ZNF804B: variants seen among roughly 807,000 people sequenced by gnomAD.
The protein encoded by ZNF804B is zinc finger protein 804B.
In ZNF804B, 80 loss-of-function variants were observed where a neutral mutation model predicts 101.4. The ratio of observed to expected loss-of-function variants is 0.79; its 90% CI spans 0.66 to 0.95. The LOEUF (loss-of-function observed/expected upper bound fraction) is 0.95. Ranked by LOEUF, ZNF804B falls within the 40% of genes least tolerant of loss-of-function variation. The pLI is 0.00. For synonymous variants in ZNF804B, 622 were observed against 558.8 expected, an observed-to-expected ratio of 1.11 and a Z score of -1.59; for missense variants, 1,673 against 1,561.9, an observed-to-expected ratio of 1.07 and a Z score of -1.20.
At chr7:88,945,607 T>C (rs1416816803) in intron 1 of ZNF804B, among the ~76,000 whole-genome samples, 1 of 113,932 alleles carries the variant, frequency 8.8e-6, no homozygotes, top group Non-Finnish European at 1.7e-5. Context: ...TTTAAAGTAG[T>C]TTTTTCTAAT....
chr7:89,298,215 T>C (rs1273062729), intron 2 of ZNF804B, among the ~76,000 whole-genome samples: 1 of 62,372 alleles, frequency 1.6e-5, no homozygotes, highest in Non-Finnish European at 2.7e-5. Flanking sequence ...TGTGTGTGTG[T>C]GTATATATAT....
rs1300171023 is a variant in ZNF804B at position 89,218,260 on chromosome 7, A to C, written c.214A>C (p.Asn72His). The part of the protein sequence containing the change: ...KQYHKHQEFD[N>H]HINSYDHAHK... ...GTATCACAAACACCAGGAGTTTGAC[A>C]ATCATATTAATTCTTATGACCATGC... Residue 72 changes from asparagine (N) to histidine (H), a missense_variant, in exon 2 of 4, where the codon AAT (asparagine) becomes CAT (histidine). Physicochemically the swap from Asn to His is moderately conservative, Grantham distance 68. Coordinates refer to ENST00000333190, the MANE Select transcript of ZNF804B (RefSeq NM_181646.5). The C allele has an allele frequency of 1.9e-6, 3 of 1,613,654 alleles. No individual in the cohort carries two copies. Among genetic ancestry groups the C allele is most frequent in the Non-Finnish European group, 1.7e-6 (2 of 1,179,824 alleles).
At chr7:88,854,527 T>TTCCCTTCCCTTCCCTTCCTTCC (rs1554340248) in intron 1 of ZNF804B, among the ~76,000 whole-genome samples, 8 of 40,068 alleles carry the variant, frequency 2.0e-4, no homozygotes, top group Admixed American at 6.3e-4. Flanking sequence ...CTTTCCTTCC[T>TTCCCTTCCCTTCCCTTCCTTCC]TTCCTTCCTT....
chr7:89,012,852 A>AT (rs1211281533), intron 1 of ZNF804B, among the ~76,000 whole-genome samples: 3 of 152,154 alleles, frequency 2.0e-5, no homozygotes, highest in Non-Finnish European at 4.4e-5. Flanking sequence ...ATCTGTTCTC[A>AT]TGCTGCTATG....
At chr7:88,873,901 C>T (rs995132626) in intron 1 of ZNF804B, among the ~76,000 whole-genome samples, 101 of 152,188 alleles carry the variant, frequency 6.6e-4, no homozygotes, top group Non-Finnish European at 8.2e-4. Context: ...AGTCAGGTAG[C>T]ATGATGCCTC....
At chr7:88,893,335 C>T (rs1430763629) in intron 1 of ZNF804B, among the ~76,000 whole-genome samples, 2 of 152,044 alleles carry the variant, frequency 1.3e-5, no homozygotes, top group Non-Finnish European at 2.9e-5. Flanking sequence ...GAACATCTAT[C>T]ATCCGTATTG....
At chr7:88,989,535 G>T (rs1443185336) in intron 1 of ZNF804B, among the ~76,000 whole-genome samples, 1 of 151,954 alleles carries the variant, frequency 6.6e-6, no homozygotes, top group East Asian at 1.9e-4. Flanking sequence ...CTAACCAAAG[G>T]CCTCAGAATG....
chr7:88,916,216 A>C (rs985819032), intron 1 of ZNF804B, among the ~76,000 whole-genome samples: 1 of 152,076 alleles, frequency 6.6e-6, no homozygotes, highest in African/African-American at 2.4e-5. Context: ...ACTAGATCCC[A>C]CCTTCTTTAT....
In ZNF804B at chr7:88,759,868, G is replaced by GCGTCTTCT. The variant is rs1486958228; in HGVS notation, c.-106_-99dup. The GCGTCTTCT allele has an allele frequency of 1.2e-6, 1 of 848,120 alleles. No homozygotes were observed. The allele number at this position is 848,120 out of a possible 1,614,324, so 52.5% of individuals were successfully genotyped here. ...CGCCTCCCCCTGCGTCCTGCTGGCC[G>GCGTCTTCT]CGTCTTCTCGGGAGGTGGTAGTCGC... On this transcript the variant is annotated 5_prime_UTR_variant, in exon 1 of 4. An upstream open reading frame in the 5' UTR loses its in-frame stop. Transcript: ENST00000333190.
intron 1 of ZNF804B, among the ~76,000 whole-genome samples, chr7:89,205,821 T>G (rs1284789356): frequency 6.6e-6 from 1 of 152,170 alleles, no homozygotes. Flanking sequence ...ACAGCTCCAC[T>G]AGGCAGTTTC....
At chr7:89,097,651 A>G (rs1789988880) in intron 1 of ZNF804B, among the ~76,000 whole-genome samples, 1 of 152,214 alleles carries the variant, frequency 6.6e-6, no homozygotes, top group Admixed American at 6.5e-5. Context: ...TAATAGAAAT[A>G]TAATAATAGT....
intron 1 of ZNF804B, among the ~76,000 whole-genome samples, chr7:89,178,635 T>C (rs1178234391): frequency 6.6e-6 from 1 of 152,154 alleles, no homozygotes; most frequent in Non-Finnish European, 1.5e-5. Flanking sequence ...CTTGAAAAGT[T>C]GTCACAGTTA....
intron 2 of ZNF804B, among the ~76,000 whole-genome samples, chr7:89,219,324 G>C (rs529029579): frequency 6.7e-6 from 1 of 149,650 alleles, no homozygotes; most frequent in Non-Finnish European, 1.5e-5. Flanking sequence ...CTCAATAAAA[G>C]ATTACATTTT....
intron 1 of ZNF804B, among the ~76,000 whole-genome samples, chr7:88,986,548 A>G (rs6971362): frequency 0.19 from 28,618 of 152,092 alleles, 2,875 homozygotes; most frequent in Middle Eastern, 0.23. Context: ...TAGGAATCCT[A>G]GTGCACTGAG....
At chr7:89,328,529 A>G (rs1175289204) in intron 3 of ZNF804B, among the ~76,000 whole-genome samples, 1 of 151,920 alleles carries the variant, frequency 6.6e-6, no homozygotes, top group Non-Finnish European at 1.5e-5. Flanking sequence ...GAAGCAACGC[A>G]TACATTTGGT....
chr7:89,235,416 A>G (rs941983214), intron 2 of ZNF804B, among the ~76,000 whole-genome samples: 26 of 152,192 alleles, frequency 1.7e-4, no homozygotes, highest in African/African-American at 6.3e-4. Context: ...GTGGGACACA[A>G]TGGTCCATGG....
intron 1 of ZNF804B, among the ~76,000 whole-genome samples, chr7:89,212,096 C>T (rs1235357526): frequency 6.6e-6 from 1 of 152,006 alleles, no homozygotes; most frequent in African/African-American, 2.4e-5. Context: ...ATTTTATTCT[C>T]TTTGTAAATT....
intron 1 of ZNF804B, among the ~76,000 whole-genome samples, chr7:89,158,740 C>G (rs1329155944): frequency 6.6e-6 from 1 of 152,142 alleles, no homozygotes; most frequent in Non-Finnish European, 1.5e-5. Context: ...TCCAGCCCAA[C>G]TTTTCATCCT....
At chr7:89,171,281 TG>T (rs1791221015) in intron 1 of ZNF804B, among the ~76,000 whole-genome samples, 1 of 74,616 alleles carries the variant, frequency 1.3e-5, no homozygotes, top group Non-Finnish European at 2.7e-5. Flanking sequence ...CAAATAATGC[TG>T]CTGCTGCTTC....
Sources: allele counts gnomAD v4.1 joint callset (sites outside exome capture counted in the v4.1 genomes callset), GRCh38; gene constraint gnomAD v4.1.1; transcripts MANE v1.5; gene names NCBI Gene and HGNC (gene_info 2026-07-23, HGNC 2026-07-21).